The following HDAC9 variants were observed in gnomAD, a reference collection of about 807,000 sequenced individuals.
HDAC9 encodes histone deacetylase 9.
A neutral mutation model predicts 139.4 loss-of-function variants in HDAC9; 41 were observed. That is an observed-to-expected ratio of 0.29 (90% CI 0.23 to 0.38). The LOEUF is 0.38. Ranked by LOEUF, HDAC9 falls within the 10% of genes least tolerant of loss-of-function variation. The pLI, the probability that HDAC9 is intolerant of heterozygous loss-of-function variation, is 1.00. For synonymous variants in HDAC9, 517 were observed against 476.2 expected (o/e 1.09, Z -1.12); for missense variants, 1,147 against 1,297.0 (o/e 0.88, Z 1.78).
intron 2 of HDAC9, among the ~76,000 whole-genome samples, chr7:18,503,116 A>G (rs1165471295): frequency 6.6e-6 from 1 of 152,216 alleles, no homozygotes; most frequent in African/African-American, 2.4e-5. Context: ...ATAAAAGCTC[A>G]TGCAAATGAC....
intron 7 of HDAC9, among the ~76,000 whole-genome samples, chr7:18,632,611 T>G (rs879034504): frequency 3.3e-5 from 5 of 152,088 alleles, no homozygotes; most frequent in Admixed American, 3.3e-4. Context: ...TTAATTTGAC[T>G]GAGTGTAGAG....
chr7:18,617,127 GTTTTAGTTCATTCCCTA>G (rs990177775), intron 6 of HDAC9, among the ~76,000 whole-genome samples: 6 of 151,996 alleles, frequency 3.9e-5, no homozygotes, highest in African/African-American at 1.4e-4. Context: ...CGTGCCTACT[GTTTTAGTTCATTCCCTA>G]TTTTGTTCAG....
chr7:18,432,180 C>G (rs1790739542), intron 1 of HDAC9, among the ~76,000 whole-genome samples: 1 of 152,186 alleles, frequency 6.6e-6, no homozygotes. Context: ...ATCCATCTAT[C>G]CACTCAACAA....
At chr7:18,571,534 C>T (rs1005170239) in intron 2 of HDAC9, among the ~76,000 whole-genome samples, 10 of 152,096 alleles carry the variant, frequency 6.6e-5, no homozygotes, top group Non-Finnish European at 8.8e-5. Flanking sequence ...AATATCCAGC[C>T]GTTTAAAGAA....
At chr7:18,469,767 G>A (rs1249215769) in intron 1 of HDAC9, among the ~76,000 whole-genome samples, 1 of 152,090 alleles carries the variant, frequency 6.6e-6, no homozygotes, top group Non-Finnish European at 1.5e-5. Context: ...CCTGCATGTA[G>A]CTCAGCTTAG....
chr7:18,206,200 G>C (rs554156103), intron 2 of HDAC9, among the ~76,000 whole-genome samples: 12 of 152,212 alleles, frequency 7.9e-5, no homozygotes, highest in African/African-American at 2.9e-4. Flanking sequence ...AATGTTAATT[G>C]TAATTTCTAT....
intron 1 of HDAC9, among the ~76,000 whole-genome samples, chr7:18,411,841 T>TTTTTG (rs1554407527): frequency 7.4e-6 from 1 of 135,432 alleles, no homozygotes; most frequent in Non-Finnish European, 1.6e-5. Context: ...TTTTTTTTTT[T>TTTTTG]ATCAGACAGG....
chr7:18,170,052 T>C (rs1336197539), intron 2 of HDAC9, among the ~76,000 whole-genome samples: 1 of 152,234 alleles, frequency 6.6e-6, no homozygotes, highest in Admixed American at 6.5e-5. Flanking sequence ...TCCACAATGG[T>C]TGAACTAGTT....
intron 1 of HDAC9, among the ~76,000 whole-genome samples, chr7:18,449,056 C>T (rs1474723138): frequency 6.6e-6 from 1 of 152,012 alleles, no homozygotes; most frequent in East Asian, 1.9e-4. Context: ...AAATTAAGCC[C>T]AAAACACTTT....
rs899580668 is a variant in HDAC9, at chr7:18,784,600, C to T, written c.2215-8745C>T. ...TCTGGATAGGAGAGCACTGAGGAAG[C>T]ATCTTTATGTTCTTGCAAAATCCTG... On this transcript the variant is annotated intron_variant, in intron 16 of 25. Transcript: ENST00000686413. 2.9e-4 allele frequency among the ~76,000 whole-genome samples: 44 copies of T among 151,858 alleles called. 1 individual carries two copies. Among genetic ancestry groups the T allele is most frequent in the South Asian group, 1.9e-3 (9 of 4,798 alleles).
intron 2 of HDAC9, among the ~76,000 whole-genome samples, chr7:18,174,324 C>G (rs1396779788): frequency 1.3e-5 from 2 of 152,202 alleles, no homozygotes; most frequent in African/African-American, 2.4e-5. Flanking sequence ...CTTCTCTACA[C>G]TGTTTATTCT....
At chr7:18,968,148 G>A (rs571488968) in intron 24 of HDAC9, among the ~76,000 whole-genome samples, 3 of 152,002 alleles carry the variant, frequency 2.0e-5, no homozygotes, top group South Asian at 4.2e-4. Context: ...AGCAACAAGA[G>A]CAAAACTCCA....
intron 22 of HDAC9, among the ~76,000 whole-genome samples, chr7:18,908,919 C>A (rs1802506936): frequency 6.6e-6 from 1 of 152,058 alleles, no homozygotes; most frequent in Admixed American, 6.6e-5. Flanking sequence ...TGGATATACA[C>A]ACAGTTGTGA....
chr7:18,719,789 C>T (rs1216175501), intron 12 of HDAC9, among the ~76,000 whole-genome samples: 1 of 152,124 alleles, frequency 6.6e-6, no homozygotes, highest in Non-Finnish European at 1.5e-5. Context: ...TTGTGTATGG[C>T]ATGAGGAATG....
At chr7:18,668,281 A>C (rs997574463) in intron 12 of HDAC9, 1 of 961,352 alleles carries the variant, frequency 1.0e-6, no homozygotes, top group Non-Finnish European at 1.2e-6. Flanking sequence ...CCTATCACCA[A>C]CATATTTTGG....
chr7:18,583,738 A>G (rs1388583970), intron 2 of HDAC9, among the ~76,000 whole-genome samples: 1 of 152,176 alleles, frequency 6.6e-6, no homozygotes, highest in Non-Finnish European at 1.5e-5. Context: ...TGGACGAAAA[A>G]GTGAGCCCTC....
At chr7:18,897,888 A>G (rs562102019) in intron 22 of HDAC9, among the ~76,000 whole-genome samples, 32 of 151,424 alleles carry the variant, frequency 2.1e-4, no homozygotes, top group African/African-American at 6.5e-4. Flanking sequence ...CATGGATCCA[A>G]TGCTTTTAAA....
chr7:18,278,275 G>A (rs868386269), intron 2 of HDAC9, among the ~76,000 whole-genome samples: 12 of 152,136 alleles, frequency 7.9e-5, no homozygotes, highest in East Asian at 1.9e-4. Context: ...GATTAGCTTC[G>A]TGTCTAGAGT....
chr7:18,318,348 T>C (rs576858113), intron 1 of HDAC9, among the ~76,000 whole-genome samples: 210 of 152,358 alleles, frequency 1.4e-3, no homozygotes, highest in Non-Finnish European at 2.5e-3. Context: ...CCTTTCCATC[T>C]TGGTGATCAG....
Sources: gnomAD v4.1 joint callset for allele counts (sites outside exome capture counted in the v4.1 genomes callset) on GRCh38, gnomAD v4.1.1 for gene constraint, MANE v1.5 for transcripts, NCBI Gene and HGNC (gene_info 2026-07-23, HGNC 2026-07-21) for gene names.